LDB2: variants seen among roughly 807,000 people sequenced by gnomAD.
LDB2 encodes the protein LIM domain binding 2.
Under a neutral mutation model 44.3 loss-of-function variants are expected in LDB2, and 12 were observed. The ratio of observed to expected loss-of-function variants is 0.27; its 90% confidence interval spans 0.17 to 0.44. The LOEUF (loss-of-function observed/expected upper bound fraction) is 0.44. LDB2 is among the 20% of genes least tolerant of loss of function. LDB2 has a pLI of 1.00. For missense variants in LDB2, 344 were observed against 473.5 expected, an observed-to-expected ratio of 0.73 and a Z score of 2.54; for synonymous variants, 164 against 174.8, an observed-to-expected ratio of 0.94 and a Z score of 0.49.
At chr4:16,505,183 C>T (rs1409177566) in intron 7 of LDB2, among the ~76,000 whole-genome samples, 2 of 152,162 alleles carry the variant, frequency 1.3e-5, no homozygotes, top group Non-Finnish European at 2.9e-5. Flanking sequence ...CCAATGGAGC[C>T]AACAGGCTTG....
chr4:16,627,070 C>G (rs1345927680), intron 2 of LDB2: 2 of 152,170 alleles, frequency 1.3e-5, no homozygotes, highest in African/African-American at 4.8e-5. Context: ...AGTACCCACT[C>G]TCAACGCCTC....
chr4:16,874,023 T>C (rs2110366284), intron 1 of LDB2, among the ~76,000 whole-genome samples: 1 of 152,300 alleles, frequency 6.6e-6, no homozygotes, highest in Admixed American at 6.5e-5. Context: ...TGTACTGATA[T>C]ATCACATTTT....
chr4:16,541,367 C>A (rs1733706689), intron 5 of LDB2, among the ~76,000 whole-genome samples: 1 of 152,164 alleles, frequency 6.6e-6, no homozygotes, highest in African/African-American at 2.4e-5. Context: ...TCTAGCTTCA[C>A]CTTTTGCCAC....
At chr4:16,674,630 G>A (rs971459191) in intron 2 of LDB2, among the ~76,000 whole-genome samples, 1 of 152,296 alleles carries the variant, frequency 6.6e-6, no homozygotes, top group Middle Eastern at 3.4e-3. Flanking sequence ...GGTAAGCCAG[G>A]ATTCAAACAC....
intron 1 of LDB2, among the ~76,000 whole-genome samples, chr4:16,891,463 C>T (rs951863173): frequency 6.6e-6 from 1 of 151,862 alleles, no homozygotes; most frequent in Non-Finnish European, 1.5e-5. Flanking sequence ...CAGGCGTGTG[C>T]CACCATGCCT....
At chr4:16,829,811 G>A (rs529438334) in intron 1 of LDB2, among the ~76,000 whole-genome samples, 39 of 152,116 alleles carry the variant, frequency 2.6e-4, no homozygotes, top group Non-Finnish European at 5.1e-4. Context: ...CCTCTCACTC[G>A]AAAAACACAC....
chr4:16,743,576 T>C (rs145161621), intron 2 of LDB2, among the ~76,000 whole-genome samples: 2 of 152,112 alleles, frequency 1.3e-5, no homozygotes, highest in African/African-American at 4.8e-5. Context: ...GCACTTAACG[T>C]TGGAGAGTTG....
chr4:16,593,776 A>G (rs934006623), intron 3 of LDB2, among the ~76,000 whole-genome samples: 2 of 152,226 alleles, frequency 1.3e-5, no homozygotes, highest in African/African-American at 4.8e-5. Context: ...AAATCACTCA[A>G]CCATCTGAGA....
intron 1 of LDB2, among the ~76,000 whole-genome samples, chr4:16,821,456 T>C (rs1781991313): frequency 6.7e-6 from 1 of 150,364 alleles, no homozygotes; most frequent in African/African-American, 2.4e-5. Context: ...CCATCTCGGC[T>C]CACTGCAAGC....
intron 5 of LDB2, among the ~76,000 whole-genome samples, chr4:16,532,904 G>C (rs1577434594): frequency 6.6e-6 from 1 of 152,242 alleles, no homozygotes; most frequent in African/African-American, 2.4e-5. Context: ...GTGCCAGTCT[G>C]ACATTCCTAG....
chr4:16,581,476 T>A lies in LDB2; in HGVS notation c.615+4446A>T, dbSNP rs577062134. 1.3e-5 allele frequency: 13 copies of A among 983,240 alleles called. No homozygotes were observed. The African/African-American group carries it at 2.1e-4, about 16-fold the overall frequency. The allele number at this position is 983,240 out of a possible 1,614,324, so 60.9% of individuals were successfully genotyped here. ...ATCACTCAGCCAGGGTGTATTGTTT[T>A]GGCTCAAAACACCTACTTTTGTTGG... is the stretch of plus-strand genomic sequence containing the variant. On this transcript the variant is annotated intron_variant, in intron 5 of 7. Transcript: ENST00000304523.
intron 2 of LDB2, among the ~76,000 whole-genome samples, chr4:16,628,969 G>C (rs1560687471): frequency 6.6e-6 from 1 of 152,240 alleles, no homozygotes; most frequent in Non-Finnish European, 1.5e-5. Context: ...GCCTGGCTCA[G>C]TGGGTCCCAT....
chr4:16,669,861 T>C (rs1744267067), intron 2 of LDB2, among the ~76,000 whole-genome samples: 1 of 152,248 alleles, frequency 6.6e-6, no homozygotes, highest in Admixed American at 6.5e-5. Context: ...CCTCTGCCTG[T>C]GTCTTGATCT....
intron 5 of LDB2, among the ~76,000 whole-genome samples, chr4:16,559,336 C>CA (rs1741113757): frequency 6.6e-6 from 1 of 152,132 alleles, no homozygotes; most frequent in African/African-American, 2.4e-5. Context: ...CATGCAGAGA[C>CA]ACACATGGGC....
intron 1 of LDB2, among the ~76,000 whole-genome samples, chr4:16,852,766 A>G (rs1269442968): frequency 2.0e-5 from 3 of 152,210 alleles, no homozygotes; most frequent in African/African-American, 7.2e-5. Flanking sequence ...AATATAAGAA[A>G]GGCAGTTACA....
At chr4:16,856,762 GC>G (rs1405069955) in intron 1 of LDB2, among the ~76,000 whole-genome samples, 1 of 152,116 alleles carries the variant, frequency 6.6e-6, no homozygotes, top group Non-Finnish European at 1.5e-5. Context: ...CCTCACAACA[GC>G]CCTATGAGAT....
At chr4:16,779,539 A>G (rs898150696) in intron 1 of LDB2, among the ~76,000 whole-genome samples, 3 of 152,102 alleles carry the variant, frequency 2.0e-5, no homozygotes, top group African/African-American at 7.2e-5. Context: ...GCCTCTTGGG[A>G]AGGAGTGGGA....
intron 1 of LDB2, among the ~76,000 whole-genome samples, chr4:16,798,498 T>C (rs1236562887): frequency 1.3e-5 from 2 of 152,258 alleles, no homozygotes; most frequent in East Asian, 1.9e-4. Context: ...ACAAAATCAA[T>C]TGTTATCTAC....
intron 2 of LDB2, among the ~76,000 whole-genome samples, chr4:16,685,909 G>A (rs1749126911): frequency 6.6e-6 from 1 of 152,028 alleles, no homozygotes; most frequent in Non-Finnish European, 1.5e-5. Flanking sequence ...AAAAGTAGTT[G>A]GGCATGGTGG....
Sources: allele counts gnomAD v4.1 joint callset (sites outside exome capture counted in the v4.1 genomes callset), GRCh38; gene constraint gnomAD v4.1.1; transcripts MANE v1.5; gene names NCBI Gene and HGNC (gene_info 2026-07-23, HGNC 2026-07-21).